Variants in BCL2L11 observed in about 807,000 individuals in gnomAD.
BCL2L11 encodes the protein bcl-2-like protein 11.
A neutral mutation model predicts 20.6 loss-of-function variants in BCL2L11; 15 were observed. The observed-to-expected ratio is 0.73, with a 90% CI of 0.49 to 1.12. BCL2L11 has a LOEUF of 1.12. Among genes scored for constraint, BCL2L11 ranks in the 50% most tolerant of loss-of-function variants. The pLI, the probability that BCL2L11 is intolerant of heterozygous loss-of-function variation, is 0.00. For synonymous variants in BCL2L11, 108 were observed against 92.8 expected (o/e 1.16, Z -0.94); for missense variants, 292 against 260.9 (o/e 1.12, Z -0.82).
intron 2 of BCL2L11, among the ~76,000 whole-genome samples, chr2:111,145,217 A>T (rs189714128): frequency 1.2e-4 from 18 of 152,308 alleles, no homozygotes; most frequent in African/African-American, 4.1e-4. Context: ...CTCGGAAATG[A>T]GGGTCGCACC....
At position 111,164,474 on chromosome 2, in the gene BCL2L11, T is replaced by C; in HGVS notation, c.*243T>C. 2.6e-6 allele frequency: 1 copy of C among 380,018 alleles called. No individual in the cohort carries two copies. The highest frequency in any genetic ancestry group is 4.8e-6 in the Non-Finnish European group (1 of 209,534). 23.5% of individuals were successfully genotyped at this position (380,018 alleles called of 1,614,324 possible). On this transcript the variant is annotated 3_prime_UTR_variant, in exon 4 of 4. Coordinates refer to ENST00000393256, the MANE Select transcript of BCL2L11 (RefSeq NM_138621.5). ...GGAGGGAGCATTCTTTGCTTTTTAA[T>C]ATACAAACCATGGTTTTTTGGAGCA...
chr2:111,142,488 A>G lies in BCL2L11; in HGVS notation c.395-7556A>G, dbSNP rs1010739066. The G allele has an allele frequency of 3.2e-6, 3 of 925,752 alleles. No homozygotes were observed. In the African/African-American group the frequency reaches 5.0e-5, roughly 15 times the overall value. 57.3% of individuals were successfully genotyped at this position (925,752 alleles called of 1,614,324 possible). On this transcript the variant is annotated intron_variant, in intron 2 of 3. Coordinates refer to ENST00000393256, the MANE Select transcript of BCL2L11 (RefSeq NM_138621.5). ...AGCTTTCATTATGTCTTAGCCCTACAGTGTGTTATCAATAATCATATCTGT... is the reference window on the plus strand; with the variant it reads ...AGCTTTCATTATGTCTTAGCCCTACGGTGTGTTATCAATAATCATATCTGT...
intron 2 of BCL2L11, among the ~76,000 whole-genome samples, chr2:111,129,327 T>C (rs1179207983): frequency 6.6e-6 from 1 of 152,166 alleles, no homozygotes. Context: ...ATAAGGAAAC[T>C]TTTTAGGTCC....
intron 2 of BCL2L11, among the ~76,000 whole-genome samples, chr2:111,149,515 A>G (rs1325998755): frequency 6.6e-6 from 1 of 152,154 alleles, no homozygotes; most frequent in Non-Finnish European, 1.5e-5. Flanking sequence ...GTATCATTGT[A>G]CCTGCTTTCA....
chr2:111,163,916 G>T (rs2078880902), intron 3 of BCL2L11, among the ~76,000 whole-genome samples: 1 of 124,852 alleles, frequency 8.0e-6, no homozygotes, highest in African/African-American at 3.1e-5. Context: ...TGGTATGCCT[G>T]CCCTTTTTGT....
At chr2:111,149,019 G>A (rs958039773) in intron 2 of BCL2L11, among the ~76,000 whole-genome samples, 3 of 152,176 alleles carry the variant, frequency 2.0e-5, no homozygotes, top group African/African-American at 7.2e-5. Context: ...TAATATGTGT[G>A]TTTAATTGTG....
At chr2:111,129,631 T>A (rs1401247895) in intron 2 of BCL2L11, among the ~76,000 whole-genome samples, 1 of 152,244 alleles carries the variant, frequency 6.6e-6, no homozygotes, top group Non-Finnish European at 1.5e-5. Context: ...TCACATGCAG[T>A]CCATTTCATG....
chr2:111,122,660 C>G, intron 1 of BCL2L11: 1 of 983,530 alleles, frequency 1.0e-6, no homozygotes, highest in East Asian at 1.1e-4. Context: ...GGAGGATGTT[C>G]CCGGCGGCTG....
At chr2:111,139,748 A>C (rs867235589) in intron 2 of BCL2L11, among the ~76,000 whole-genome samples, 4 of 152,178 alleles carry the variant, frequency 2.6e-5, no homozygotes, top group South Asian at 2.1e-4. Flanking sequence ...TCGTGGTTTT[A>C]AGTATTTGCT....
intron 1 of BCL2L11, among the ~76,000 whole-genome samples, chr2:111,122,013 T>C (rs894739918): frequency 3.2e-4 from 49 of 152,124 alleles, no homozygotes; most frequent in African/African-American, 1.0e-3. Context: ...TGCCCCAGGG[T>C]TGGCGCTGCT....
chr2:111,136,699 C>G (rs893423341), intron 2 of BCL2L11, among the ~76,000 whole-genome samples: 3 of 152,176 alleles, frequency 2.0e-5, no homozygotes, highest in Non-Finnish European at 4.4e-5. Flanking sequence ...GAGGGTTTCT[C>G]TGGGGTCTCT....
At position 111,164,784 on chromosome 2, in the gene BCL2L11, C is replaced by A. The variant is rs564679444; in HGVS notation, c.*553C>A. On this transcript the variant is annotated 3_prime_UTR_variant, in exon 4 of 4. Coordinates refer to ENST00000393256, the MANE Select transcript of BCL2L11 (RefSeq NM_138621.5). The stretch of plus-strand genomic sequence containing the variant: ...CCCTTCCCTACTATTGCCTCTCTGA[C>A]CTTTTTAAATTATTTTTAATACCAA... 6.5e-6 allele frequency: 1 copy of A among 152,768 alleles called. No individual in the cohort carries two copies. Among genetic ancestry groups the A allele is most frequent in the African/African-American group, 2.4e-5 (1 of 41,528 alleles). 9.5% of individuals were successfully genotyped at this position (152,768 alleles called of 1,614,324 possible).
rs1475768757 is a variant in BCL2L11, at chr2:111,123,732, G to GA, written c.-7dup. 2.9e-6 allele frequency: 4 copies of GA among 1,381,206 alleles called. No homozygotes were observed. The highest frequency in any genetic ancestry group is 3.8e-6 in the Non-Finnish European group (4 of 1,060,446). The allele number at this position is 1,381,206 out of a possible 1,614,324, so 85.6% of individuals were successfully genotyped here. A position where few individuals can be genotyped will look rare whatever the true frequency, so the allele number is the denominator to read the frequency against. On this transcript the variant is annotated splice_region_variant and 5_prime_UTR_variant. Transcript: ENST00000393256. The stretch of plus-strand genomic sequence containing the variant: ...AATCTTAGTTTTTATTTTACTTGCA[G>GA]AAAAAAAGACCAAATGGCAAAGCAA...
intron 2 of BCL2L11, among the ~76,000 whole-genome samples, chr2:111,141,183 AC>A (rs2075740393): frequency 6.6e-6 from 1 of 152,178 alleles, no homozygotes; most frequent in Non-Finnish European, 1.5e-5. Context: ...CCTATGGGGA[AC>A]TGGCCTACAT....
At chr2:111,130,126 T>TTTA in intron 2 of BCL2L11, 3 of 354,866 alleles carry the variant, frequency 8.5e-6, no homozygotes, top group Non-Finnish European at 1.6e-5. Flanking sequence ...TTTTTTTTTG[T>TTTA]GACAGTCTCA....
chr2:111,129,385 A>G (rs2073409454), intron 2 of BCL2L11, among the ~76,000 whole-genome samples: 1 of 152,234 alleles, frequency 6.6e-6, no homozygotes, highest in Non-Finnish European at 1.5e-5. Flanking sequence ...TTTCTTTACT[A>G]GTTCCAAACA....
At chr2:111,131,060 CTTCTT>C (rs900050975) in intron 2 of BCL2L11, among the ~76,000 whole-genome samples, 2 of 152,036 alleles carry the variant, frequency 1.3e-5, no homozygotes, top group Non-Finnish European at 2.9e-5. Flanking sequence ...GGTCTGTCGT[CTTCTT>C]TTAAGACTGG....
At chr2:111,158,006 A>T (rs2150563244) in intron 3 of BCL2L11, among the ~76,000 whole-genome samples, 1 of 152,290 alleles carries the variant, frequency 6.6e-6, no homozygotes, top group South Asian at 2.1e-4. Flanking sequence ...TGCCTTGGTG[A>T]TGAATAGAAA....
chr2:111,159,012 G>A (rs562529600), intron 3 of BCL2L11, among the ~76,000 whole-genome samples: 17 of 152,304 alleles, frequency 1.1e-4, no homozygotes, highest in South Asian at 6.2e-4. Context: ...TGGATGAGTG[G>A]GCTGTATTCT....
Sources: allele counts gnomAD v4.1 joint callset (sites outside exome capture counted in the v4.1 genomes callset), GRCh38; gene constraint gnomAD v4.1.1; transcripts MANE v1.5; gene names NCBI Gene and HGNC (gene_info 2026-07-23, HGNC 2026-07-21).